Variants in CERKL observed in about 807,000 individuals in gnomAD.
The protein encoded by CERKL is ceramide kinase-like protein.
Under a neutral mutation model 63.4 loss-of-function variants are expected in CERKL, and 61 were observed. That is an observed-to-expected ratio of 0.96 (90% CI 0.78 to 1.19). The LOEUF (loss-of-function observed/expected upper bound fraction) is 1.19, where lower values mean the gene tolerates loss of function less well. Ranked by LOEUF, CERKL falls within the 50% of genes most tolerant of loss-of-function variation. The pLI is 0.00. For missense variants in CERKL, 675 were observed against 655.5 expected (o/e 1.03, Z -0.33); for synonymous variants, 250 against 230.5 (o/e 1.08, Z -0.77).
intron 2 of CERKL, among the ~76,000 whole-genome samples, chr2:181,576,099 C>T (rs1213783925): frequency 6.6e-6 from 1 of 152,154 alleles, no homozygotes; most frequent in Non-Finnish European, 1.5e-5. Context: ...ATTTTCTAAA[C>T]ACCCAACTTC....
intron 11 of CERKL, among the ~76,000 whole-genome samples, chr2:181,540,824 T>G (rs1559067942): frequency 6.6e-6 from 1 of 151,834 alleles, no homozygotes; most frequent in African/African-American, 2.4e-5. Flanking sequence ...TACAGGGGAG[T>G]GCCATGATGG....
chr2:181,631,878 C>T (rs1686978103), intron 1 of CERKL, among the ~76,000 whole-genome samples: 1 of 152,254 alleles, frequency 6.6e-6, no homozygotes, highest in Non-Finnish European at 1.5e-5. Context: ...GTCATTTTTA[C>T]CCCAACCATT....
chr2:181,574,149 G>A lies in CERKL; in HGVS notation c.482-265C>T, dbSNP rs1007788376. Among the ~76,000 whole-genome samples the A allele has an allele frequency of 3.9e-5, 6 of 152,240 alleles. No homozygotes were observed. In the East Asian group the frequency reaches 7.7e-4, roughly 20 times the overall value. ...TATGAAGGAAGATGCAAAAAAAAGA[G>A]GCAACTTTGTGAATATTAGGCAGTG... On this transcript the variant is annotated intron_variant, in intron 2 of 12. Transcript: ENST00000410087.
intron 2 of CERKL, among the ~76,000 whole-genome samples, chr2:181,588,931 T>G (rs1574476087): frequency 1.3e-5 from 2 of 152,230 alleles, no homozygotes; most frequent in East Asian, 3.8e-4. Context: ...TTCATGTTAT[T>G]TGTTTTCTTG....
intron 1 of CERKL, among the ~76,000 whole-genome samples, chr2:181,625,509 T>C (rs1411104549): frequency 6.6e-6 from 1 of 152,184 alleles, no homozygotes; most frequent in African/African-American, 2.4e-5. Flanking sequence ...TAAATGAGAA[T>C]GTTAGAATTT....
At position 181,657,035 on chromosome 2, in the gene CERKL, G is replaced by A. The variant is rs201330822; in HGVS notation, c.-29C>T. ...GGAGTCGCAGGCTGGGCCCGAGCCA[G>A]GGGTCCGGGGAGGCCTTTGGAGAAG... On this transcript the variant is annotated 5_prime_UTR_variant, in exon 1 of 13. Coordinates refer to ENST00000410087, the MANE Select transcript of CERKL (RefSeq NM_201548.5). 1 of 1,554,106 alleles carries A rather than the reference G, an allele frequency of 6.4e-7. No individual in the cohort carries two copies. Among genetic ancestry groups the A allele is most frequent in the South Asian group, 1.2e-5 (1 of 86,798 alleles).
At chr2:181,564,259 A>T (rs1688570111) in intron 4 of CERKL, among the ~76,000 whole-genome samples, 4 of 152,106 alleles carry the variant, frequency 2.6e-5, no homozygotes, top group Admixed American at 2.6e-4. Context: ...ATTCATCTGC[A>T]GTCTCGGAGT....
At chr2:181,543,983 CAA>C (rs11450338) in intron 11 of CERKL, among the ~76,000 whole-genome samples, 11 of 118,158 alleles carry the variant, frequency 9.3e-5, no homozygotes, top group Admixed American at 2.7e-4. Flanking sequence ...GGCTCTAACT[CAA>C]AAAAAAAAAA....
rs1010074164 is a variant in CERKL, at chr2:181,538,027, T to G, written c.*157A>C. 1.4e-6 allele frequency: 1 copy of G among 694,066 alleles called. No individual in the cohort carries two copies. Among genetic ancestry groups the G allele is most frequent in the African/African-American group, 1.8e-5 (1 of 56,580 alleles). The allele number at this position is 694,066 out of a possible 1,614,324, so 43.0% of individuals were successfully genotyped here. On this transcript the variant is annotated 3_prime_UTR_variant, in exon 13 of 13. Coordinates refer to ENST00000410087, the MANE Select transcript of CERKL (RefSeq NM_201548.5). ...GAATCTAATGCCTGATGATCTGAGG[T>G]GGAACAGTTCATCCTGAAACCATTC... is the stretch of plus-strand genomic sequence containing the variant.
At chr2:181,585,204 T>G (rs887445551) in intron 2 of CERKL, among the ~76,000 whole-genome samples, 12 of 152,180 alleles carry the variant, frequency 7.9e-5, no homozygotes, top group African/African-American at 1.2e-4. Flanking sequence ...CCACTAGGAT[T>G]TAAGCTCCTT....
At chr2:181,578,005 T>C (rs1684327108) in intron 2 of CERKL, among the ~76,000 whole-genome samples, 1 of 152,140 alleles carries the variant, frequency 6.6e-6, no homozygotes, top group Admixed American at 6.5e-5. Context: ...GCAAACATTC[T>C]ATATTTGAGA....
chr2:181,645,777 T>C (rs964120066), intron 1 of CERKL, among the ~76,000 whole-genome samples: 1 of 152,260 alleles, frequency 6.6e-6, no homozygotes, highest in African/African-American at 2.4e-5. Flanking sequence ...TACAGCTTTA[T>C]AAATACTGAC....
intron 3 of CERKL, among the ~76,000 whole-genome samples, chr2:181,569,680 T>C (rs1275108475): frequency 3.3e-5 from 5 of 152,132 alleles, no homozygotes; most frequent in Admixed American, 3.3e-4. Flanking sequence ...ATAATGACCA[T>C]GATAAGGTCT....
intron 11 of CERKL, among the ~76,000 whole-genome samples, 155 bp from the exon 12 acceptor site, chr2:181,539,419 T>A (rs555698050): frequency 6.6e-6 from 1 of 152,298 alleles, no homozygotes; most frequent in African/African-American, 2.4e-5. Flanking sequence ...CAACTTTTTT[T>A]GGAAGAAGGA....
chr2:181,566,067 C>T lies in CERKL; in HGVS notation c.668G>A (p.Gly223Glu), dbSNP rs758006413. ...TAATAATATAACCTACCCATCAAAT[C>T]CCTGGAGTTCACATTCCTTAAGCAG... ...LSLLKECELQ[G>E]FDGVVCVGGD... The change falls in exon 4 of 13, where the codon GGA becomes GAA. Residue 223 changes from glycine to glutamate, a missense_variant. Coordinates refer to ENST00000410087, the MANE Select transcript of CERKL (RefSeq NM_201548.5). 19 of 1,604,476 alleles carry T rather than the reference C, an allele frequency of 1.2e-5. No individual in the cohort carries two copies. In the South Asian group the frequency reaches 2.1e-4, roughly 18 times the overall value.
At chr2:181,566,186 T>A in intron 3 of CERKL, 65 bp from the exon 4 acceptor site, 1 of 1,185,062 alleles carries the variant, frequency 8.4e-7, no homozygotes, top group Non-Finnish European at 1.3e-6. Flanking sequence ...ACTTTTTAAC[T>A]TGTTCTGGCA....
intron 1 of CERKL, among the ~76,000 whole-genome samples, chr2:181,647,401 C>A (rs771987804): frequency 6.6e-6 from 1 of 152,214 alleles, no homozygotes; most frequent in Non-Finnish European, 1.5e-5. Flanking sequence ...GCCCTCCGAG[C>A]CTGCAAGTGT....
chr2:181,572,888 G>A (rs1688971195), intron 3 of CERKL, among the ~76,000 whole-genome samples: 1 of 149,256 alleles, frequency 6.7e-6, no homozygotes. Flanking sequence ...GTTTACAGCT[G>A]AGTAAAGCCA....
Position 181,558,421 on chromosome 2 carries a change from G to A in CERKL, c.820+145C>T. ...AAAGAGATTAAATGACTTGTCAAAA[G>A]TCTCACATTTGCTAGTGGGGATGCC... is the stretch of plus-strand genomic sequence containing the variant. On this transcript the variant is annotated intron_variant, in intron 5 of 12. Transcript: ENST00000410087. The surrounding 1 kb of genome is among the most constrained non-coding windows in gnomAD (Gnocchi z 4.2). The A allele has an allele frequency of 1.2e-6, 1 of 824,458 alleles. No homozygotes were observed. Among genetic ancestry groups the A allele is most frequent in the Middle Eastern group, 3.4e-4 (1 of 2,916 alleles). The allele number at this position is 824,458 out of a possible 1,614,324, so 51.1% of individuals were successfully genotyped here.
Sources: gnomAD v4.1 joint callset for allele counts (sites outside exome capture counted in the v4.1 genomes callset) on GRCh38, gnomAD v4.1.1 for gene constraint, Gnocchi (gnomAD v3.1) non-coding constraint, MANE v1.5 for transcripts, NCBI Gene and HGNC (gene_info 2026-07-23, HGNC 2026-07-21) for gene names.